The following SLC6A3 variants were observed in gnomAD, a reference collection of about 807,000 sequenced individuals.
The protein encoded by SLC6A3 is sodium-dependent dopamine transporter.
In SLC6A3, 19 loss-of-function variants were observed where a neutral mutation model predicts 70.4. The observed-to-expected ratio is 0.27, with a 90% CI of 0.19 to 0.40. The LOEUF (loss-of-function observed/expected upper bound fraction) is 0.40. SLC6A3 is among the 10% of genes least tolerant of loss of function. The pLI, the probability that SLC6A3 is intolerant of heterozygous loss-of-function variation, is 1.00. For synonymous variants in SLC6A3, 368 were observed against 356.6 expected, an observed-to-expected ratio of 1.03 and a Z score of -0.36; for missense variants, 613 against 838.5, an observed-to-expected ratio of 0.73 and a Z score of 3.32.
chr5:1,425,083 G>A (rs1229013994), intron 4 of SLC6A3, among the ~76,000 whole-genome samples: 1 of 152,218 alleles, frequency 6.6e-6, no homozygotes. Context: ...CCAGAAAAGT[G>A]TTGGCCCAGG....
chr5:1,434,200 C>T (rs535392575), intron 3 of SLC6A3, among the ~76,000 whole-genome samples: 2 of 152,290 alleles, frequency 1.3e-5, no homozygotes, highest in South Asian at 2.1e-4. Context: ...TCACCCAGGG[C>T]CACGTAAGAC....
intron 4 of SLC6A3, among the ~76,000 whole-genome samples, 179 bp from the exon 5 acceptor site, chr5:1,422,193 G>C (rs1756452258): frequency 6.6e-6 from 1 of 152,222 alleles, no homozygotes; most frequent in Non-Finnish European, 1.5e-5. Context: ...AGAGGTGTCA[G>C]GGCCGCCCTT....
rs1232425395 is a variant in SLC6A3, at chr5:1,421,957, C to T, written c.711G>A (p.Arg237=). The part of the protein sequence containing the change: ...SHGIDDLGPP[R]WQLTACLVLV... Reference sequence around the variant, plus strand: ...GCACCAGGCAGGCTGTGAGCTGCCACCGCGGAGGCCCCAGGTCGTCGATGC... The same window carrying T: ...GCACCAGGCAGGCTGTGAGCTGCCATCGCGGAGGCCCCAGGTCGTCGATGC... The change falls in exon 5 of 15, where the codon CGG becomes CGA. Residue 237 remains arginine, a synonymous_variant. Coordinates refer to ENST00000270349, the MANE Select transcript of SLC6A3 (RefSeq NM_001044.5). The surrounding 1 kb of genome is among the most constrained non-coding windows in gnomAD (Gnocchi z 7.2). The T allele has an allele frequency of 6.2e-7, 1 of 1,613,040 alleles. No homozygotes were observed. The highest frequency in any genetic ancestry group is 8.5e-7 in the Non-Finnish European group (1 of 1,180,016).
At position 1,443,139 on chromosome 5, in the gene SLC6A3, T is replaced by A. The variant is rs371649161; in HGVS notation, c.59A>T (p.Glu20Val). The change falls in exon 2 of 15, where the codon GAG (glutamate) becomes GTG (valine). Residue 20 changes from glutamate to valine, a missense_variant. Coordinates refer to ENST00000270349, the MANE Select transcript of SLC6A3 (RefSeq NM_001044.5). ...LMSSVVAPAK[E>V]PNAVGPKEVE... ...CTCCTTCGGGCCCACGGCATTGGGCTCCTTAGCCGGGGCCACCACGGAAGA... is the reference window on the plus strand; with the variant it reads ...CTCCTTCGGGCCCACGGCATTGGGCACCTTAGCCGGGGCCACCACGGAAGA... 119 of 1,614,070 alleles carry A rather than the reference T, an allele frequency of 7.4e-5. No homozygotes were observed. Among genetic ancestry groups the A allele is most frequent in the Non-Finnish European group, 9.9e-5 (117 of 1,180,002 alleles).
intron 1 of SLC6A3, among the ~76,000 whole-genome samples, chr5:1,444,822 C>T (rs1733759666): frequency 6.6e-6 from 1 of 152,226 alleles, no homozygotes; most frequent in African/African-American, 2.4e-5. Flanking sequence ...CCTCACCGCG[C>T]CCAGAACAAG....
In SLC6A3 at chr5:1,437,665, C is replaced by T. The variant is rs188179956; in HGVS notation, c.418+3694G>A. Reference sequence around the variant, plus strand: ...AGCAGCTGGGCCTCACCATGAACTCCGCCCTCTGGCTTTCAAGGGTGGATC... The same window carrying T: ...AGCAGCTGGGCCTCACCATGAACTCTGCCCTCTGGCTTTCAAGGGTGGATC... On this transcript the variant is annotated intron_variant, in intron 3 of 14. Transcript: ENST00000270349. The surrounding 1 kb of genome is among the most constrained non-coding windows in gnomAD (Gnocchi z 4.8). Among the ~76,000 whole-genome samples the T allele has an allele frequency of 5.6e-4, 86 of 152,342 alleles. No homozygotes were observed. Among genetic ancestry groups the T allele is most frequent in the African/African-American group, 1.8e-3 (75 of 41,576 alleles).
chr5:1,423,656 G>A (rs535726424), intron 4 of SLC6A3, among the ~76,000 whole-genome samples: 42 of 152,226 alleles, frequency 2.8e-4, no homozygotes, highest in Non-Finnish European at 4.9e-4. Flanking sequence ...TGTGCTCCTT[G>A]CCCCAGGCAC....
At position 1,394,890 on chromosome 5, in the gene SLC6A3, G is replaced by A; in HGVS notation, c.1840-132C>T. 1 of 967,876 alleles carries A rather than the reference G, an allele frequency of 1.0e-6. No individual in the cohort carries two copies. Among genetic ancestry groups the A allele is most frequent in the South Asian group, 1.3e-5 (1 of 76,150 alleles). The allele number at this position is 967,876 out of a possible 1,614,324, so 60.0% of individuals were successfully genotyped here. On this transcript the variant is annotated intron_variant, in intron 14 of 14. Transcript: ENST00000270349. The surrounding 1 kb of genome is among the most constrained non-coding windows in gnomAD (Gnocchi z 4.7). ...CTCCTGGCCATGTGCCCTGGGAGAAGGGGAGGCTCACTGGGGGCCTGGACC... is the reference window on the plus strand; with the variant it reads ...CTCCTGGCCATGTGCCCTGGGAGAAAGGGAGGCTCACTGGGGGCCTGGACC...
rs1463460547 is a variant in SLC6A3, at chr5:1,436,288, C to G, written c.419-3590G>C. Among the ~76,000 whole-genome samples the G allele has an allele frequency of 6.6e-6, 1 of 152,240 alleles. No individual in the cohort carries two copies. The highest frequency in any genetic ancestry group is 6.5e-5 in the Admixed American group (1 of 15,280). ...GGCCCAGACGCAGGAAACCCACTAC[C>G]CTGTTGGCTACAGAACCTTCTAGTG... On this transcript the variant is annotated intron_variant, in intron 3 of 14. Coordinates refer to ENST00000270349, the MANE Select transcript of SLC6A3 (RefSeq NM_001044.5). This position sits in a 1 kb window ranked among gnomAD's most constrained non-coding sequence, Gnocchi z 5.2.
At chr5:1,432,083 C>A (rs1259693298) in intron 4 of SLC6A3, among the ~76,000 whole-genome samples, 1 of 152,060 alleles carries the variant, frequency 6.6e-6, no homozygotes, top group Non-Finnish European at 1.5e-5. Flanking sequence ...AGGAAGGGAG[C>A]CCAGACATGG....
intron 10 of SLC6A3, among the ~76,000 whole-genome samples, 177 bp downstream of exon 10, chr5:1,409,544 G>C (rs1243721210): frequency 6.6e-6 from 1 of 152,214 alleles, no homozygotes; most frequent in Non-Finnish European, 1.5e-5. Flanking sequence ...CTGGGACCAA[G>C]CTCTGGATGT....
At chr5:1,433,003 C>T (rs569285622) in intron 3 of SLC6A3, among the ~76,000 whole-genome samples, 8 of 152,166 alleles carry the variant, frequency 5.3e-5, no homozygotes, top group African/African-American at 1.4e-4. Flanking sequence ...AGAGCTATGG[C>T]GAGTATCCAG....
intron 9 of SLC6A3, among the ~76,000 whole-genome samples, chr5:1,410,101 G>C (rs530860640): frequency 1.3e-5 from 2 of 152,196 alleles, no homozygotes; most frequent in Non-Finnish European, 2.9e-5. Flanking sequence ...CAGCCTCTTC[G>C]ATGTCTCTGG....
Position 1,401,752 on chromosome 5 carries a change from T to C in SLC6A3, c.1768-766A>G, listed in dbSNP as rs1432698729. On this transcript the variant is annotated intron_variant, in intron 13 of 14. Transcript: ENST00000270349. This position sits in a 1 kb window ranked among gnomAD's most constrained non-coding sequence, Gnocchi z 6.1. ...CCGGGCTGTAGGCATCCTCCAGCTC[T>C]GCGCTGACCTGGGCCCCGCCTCCCA... 6.6e-6 allele frequency among the ~76,000 whole-genome samples: 1 copy of C among 152,248 alleles called. No individual in the cohort carries two copies. The highest frequency in any genetic ancestry group is 6.5e-5 in the Admixed American group (1 of 15,286).
intron 4 of SLC6A3, among the ~76,000 whole-genome samples, 174 bp downstream of exon 4, chr5:1,432,290 C>T (rs1292247556): frequency 1.4e-4 from 21 of 152,152 alleles, no homozygotes; most frequent in African/African-American, 4.8e-5. Context: ...CTGGAGACCA[C>T]CACAGTGATT....
chr5:1,440,478 C>T (rs1427782850), intron 3 of SLC6A3, among the ~76,000 whole-genome samples: 7 of 151,906 alleles, frequency 4.6e-5, no homozygotes, highest in East Asian at 1.9e-4. Flanking sequence ...AGATGACAGA[C>T]GGGTGAATAG....
At chr5:1,398,578 T>G (rs1755775018) in intron 14 of SLC6A3, among the ~76,000 whole-genome samples, 1 of 152,230 alleles carries the variant, frequency 6.6e-6, no homozygotes, top group Non-Finnish European at 1.5e-5. Context: ...CCTGTCCAAC[T>G]GTCAGCGTAA....
rs925583310 is a variant in SLC6A3 at position 1,436,366 on chromosome 5, T to C, written c.419-3668A>G. Among the ~76,000 whole-genome samples the C allele has an allele frequency of 6.6e-6, 1 of 152,136 alleles. No individual in the cohort carries two copies. Among genetic ancestry groups the C allele is most frequent in the Non-Finnish European group, 1.5e-5 (1 of 68,024 alleles). On this transcript the variant is annotated intron_variant, in intron 3 of 14. Coordinates refer to ENST00000270349, the MANE Select transcript of SLC6A3 (RefSeq NM_001044.5). The surrounding 1 kb of genome is among the most constrained non-coding windows in gnomAD (Gnocchi z 5.2). Reference sequence around the variant, plus strand: ...TCCAGATGAAGCTTCACCTGACACATTTCTTAAACACCATTTAGTGACACG... The same window carrying C: ...TCCAGATGAAGCTTCACCTGACACACTTCTTAAACACCATTTAGTGACACG...
rs1755920527 is a variant in SLC6A3 at position 1,404,345 on chromosome 5, G to A, written c.1600-1256C>T. 1.3e-5 allele frequency among the ~76,000 whole-genome samples: 2 copies of A among 152,226 alleles called. No individual in the cohort carries two copies. Among genetic ancestry groups the A allele is most frequent in the Non-Finnish European group, 2.9e-5 (2 of 68,040 alleles). ...GGCGGCTGCCTTGGCTGCACAGAGA[G>A]CCCTGAGCATGCTTTAAAGAGCCAC... On this transcript the variant is annotated intron_variant, in intron 12 of 14. Coordinates refer to ENST00000270349, the MANE Select transcript of SLC6A3 (RefSeq NM_001044.5). The surrounding 1 kb of genome is among the most constrained non-coding windows in gnomAD (Gnocchi z 5.2).
Sources: gnomAD v4.1 joint callset for allele counts (sites outside exome capture counted in the v4.1 genomes callset) on GRCh38, gnomAD v4.1.1 for gene constraint, Gnocchi (gnomAD v3.1) non-coding constraint, MANE v1.5 for transcripts, NCBI Gene and HGNC (gene_info 2026-07-23, HGNC 2026-07-21) for gene names.